ZHX3: variants seen among roughly 807,000 people sequenced by gnomAD.
ZHX3 encodes zinc fingers and homeoboxes protein 3.
In ZHX3, 20 loss-of-function variants were observed where a neutral mutation model predicts 64.5. The observed-to-expected ratio is 0.31, with a 90% CI of 0.22 to 0.45. ZHX3 has a LOEUF of 0.45. Among genes scored for constraint, ZHX3 ranks in the 20% least tolerant of loss-of-function variants. The pLI is 1.00. For missense variants in ZHX3, 1,041 were observed against 1,195.8 expected (o/e 0.87, Z 1.91); for synonymous variants, 423 against 461.6 (o/e 0.92, Z 1.07).
chr20:41,287,921 T>C (rs1278341342), intron 1 of ZHX3, among the ~76,000 whole-genome samples: 1 of 152,228 alleles, frequency 6.6e-6, no homozygotes, highest in African/African-American at 2.4e-5. Context: ...ATGTGTAAAA[T>C]ATAAAATATC....
In ZHX3 at chr20:41,185,373, T is replaced by G. The variant is rs1363908081; in HGVS notation, c.2861-172A>C. On this transcript the variant is annotated intron_variant, in intron 3 of 3. Coordinates refer to ENST00000683867, the MANE Select transcript of ZHX3 (RefSeq NM_001384317.1). This position sits in a 1 kb window ranked among gnomAD's most constrained non-coding sequence, Gnocchi z 5.0. ...TCCCCCACCCTCCAGCCTGAGGGAATGTGGGTTAAGGACAGGATGCTGGCT... is the reference window on the plus strand; with the variant it reads ...TCCCCCACCCTCCAGCCTGAGGGAAGGTGGGTTAAGGACAGGATGCTGGCT... Among the ~76,000 whole-genome samples the G allele has an allele frequency of 5.3e-5, 8 of 151,970 alleles. No individual in the cohort carries two copies. In the South Asian group the frequency reaches 1.7e-3, roughly 31 times the overall value.
At chr20:41,259,925 T>TA (rs2042471024) in intron 2 of ZHX3, among the ~76,000 whole-genome samples, 1 of 152,134 alleles carries the variant, frequency 6.6e-6, no homozygotes, top group Non-Finnish European at 1.5e-5. Context: ...ATATAGATTT[T>TA]AAAATGTTTA....
At chr20:41,217,098 G>A (rs546330081) in intron 2 of ZHX3, among the ~76,000 whole-genome samples, 1 of 152,194 alleles carries the variant, frequency 6.6e-6, no homozygotes, top group African/African-American at 2.4e-5. Flanking sequence ...ATTTTTTGGA[G>A]CCCATCTACC....
chr20:41,283,780 C>A (rs1424009119), intron 1 of ZHX3, among the ~76,000 whole-genome samples: 1 of 151,774 alleles, frequency 6.6e-6, no homozygotes, highest in Non-Finnish European at 1.5e-5. Context: ...TCACTTTTAT[C>A]TATGGTCACT....
At chr20:41,255,095 T>C (rs952299155) in intron 2 of ZHX3, among the ~76,000 whole-genome samples, 2 of 152,052 alleles carry the variant, frequency 1.3e-5, no homozygotes, top group African/African-American at 4.8e-5. Context: ...AAAAGGTAGG[T>C]CAGGGTGGTT....
chr20:41,302,211 G>A (rs373210498), intron 1 of ZHX3, among the ~76,000 whole-genome samples: 12 of 152,134 alleles, frequency 7.9e-5, no homozygotes, highest in African/African-American at 2.7e-4. Flanking sequence ...TAGGGGCTTT[G>A]ATGTCAAAAG....
intron 2 of ZHX3, among the ~76,000 whole-genome samples, chr20:41,260,305 G>GT (rs2042495234): frequency 6.6e-6 from 1 of 152,150 alleles, no homozygotes. Flanking sequence ...AGTTAAATAT[G>GT]TTATCTACAG....
chr20:41,276,163 G>A (rs1167416072), intron 1 of ZHX3, among the ~76,000 whole-genome samples: 3 of 152,140 alleles, frequency 2.0e-5, no homozygotes, highest in Non-Finnish European at 4.4e-5. Flanking sequence ...CTCAATACCT[G>A]AATGTATGAT....
At chr20:41,190,111 C>T (rs1423032672) in intron 3 of ZHX3, among the ~76,000 whole-genome samples, 2 of 152,098 alleles carry the variant, frequency 1.3e-5, no homozygotes, top group African/African-American at 4.8e-5. Context: ...TGATGTATTG[C>T]ATTAACTGAA....
intron 2 of ZHX3, among the ~76,000 whole-genome samples, chr20:41,249,187 A>G (rs1035807275): frequency 5.9e-5 from 9 of 152,148 alleles, no homozygotes; most frequent in South Asian, 2.1e-4. Context: ...TCACACTAAT[A>G]TAAGAAAAAC....
At chr20:41,261,832 T>A (rs943421506) in intron 2 of ZHX3, among the ~76,000 whole-genome samples, 1 of 152,108 alleles carries the variant, frequency 6.6e-6, no homozygotes, top group African/African-American at 2.4e-5. Flanking sequence ...CCCCAACATC[T>A]CATCTGAGTT....
chr20:41,233,542 T>C (rs1183877632), intron 2 of ZHX3, among the ~76,000 whole-genome samples: 3 of 152,218 alleles, frequency 2.0e-5, no homozygotes, highest in Admixed American at 6.5e-5. Flanking sequence ...TGACTCACCA[T>C]TGCTAAGCAA....
Position 41,184,623 on chromosome 20 carries a change from A to G in ZHX3, c.*568T>C, listed in dbSNP as rs2036372949. On this transcript the variant is annotated 3_prime_UTR_variant, in exon 4 of 4. Coordinates refer to ENST00000683867, the MANE Select transcript of ZHX3 (RefSeq NM_001384317.1). ...ACTTAATGCAGCAGAGATCTCTTCA[A>G]AGGTACTGCTTCCTTGAGGAACACA... 2 of 421,364 alleles carry G rather than the reference A, an allele frequency of 4.7e-6. No individual in the cohort carries two copies. Among genetic ancestry groups the G allele is most frequent in the South Asian group, 5.1e-5 (2 of 39,548 alleles). The allele number at this position is 421,364 out of a possible 1,614,324, so 26.1% of individuals were successfully genotyped here.
At chr20:41,272,158 T>C (rs930604891) in intron 1 of ZHX3, 3 of 152,122 alleles carry the variant, frequency 2.0e-5, no homozygotes, top group Non-Finnish European at 2.9e-5. Context: ...CAAATAAAAA[T>C]GAAAAAGTAA....
chr20:41,310,422 A>G (rs1252822342), intron 1 of ZHX3, among the ~76,000 whole-genome samples: 3 of 152,150 alleles, frequency 2.0e-5, no homozygotes, highest in African/African-American at 7.2e-5. Context: ...CAGACTTGGC[A>G]CTTGCTCATA....
chr20:41,196,926 A>ATAACCAG, intron 3 of ZHX3: 1 of 168,490 alleles, frequency 5.9e-6, no homozygotes, highest in South Asian at 1.6e-4. Context: ...CAAGTTCCCA[A>ATAACCAG]TAACCAGTGA....
chr20:41,203,901 ACAGT>A lies in ZHX3; in HGVS notation c.1012_1015del (p.Thr338TrpfsTer2), dbSNP rs2038473617. On this transcript the variant is annotated frameshift_variant, in exon 3 of 4. Coordinates refer to ENST00000683867, the MANE Select transcript of ZHX3 (RefSeq NM_001384317.1). LOFTEE classifies it high-confidence loss of function. The surrounding 1 kb of genome is among the most constrained non-coding windows in gnomAD (Gnocchi z 7.1). ...CTGTTCTTCTGGATACTTGGTCACC[ACAGT>A]CAAATAGCAGAGCTCGGCTTTGGTG... is the stretch of plus-strand genomic sequence containing the variant. 1.2e-6 allele frequency: 2 copies of A among 1,614,112 alleles called. No individual in the cohort carries two copies. The highest frequency in any genetic ancestry group is 1.7e-6 in the Non-Finnish European group (2 of 1,180,048).
chr20:41,208,138 C>T (rs1330165703), intron 2 of ZHX3, among the ~76,000 whole-genome samples: 2 of 152,124 alleles, frequency 1.3e-5, no homozygotes, highest in African/African-American at 4.8e-5. Flanking sequence ...CAAGACTAAA[C>T]CAGGAAGAAG....
chr20:41,207,880 C>T (rs2038853255), intron 2 of ZHX3, among the ~76,000 whole-genome samples: 1 of 152,082 alleles, frequency 6.6e-6, no homozygotes, highest in Non-Finnish European at 1.5e-5. Context: ...CACAAAAAAC[C>T]CTTCAAAAAA....
Sources: allele counts gnomAD v4.1 joint callset (sites outside exome capture counted in the v4.1 genomes callset), GRCh38; gene constraint gnomAD v4.1.1; non-coding constraint Gnocchi (gnomAD v3.1); transcripts MANE v1.5; gene names NCBI Gene and HGNC (gene_info 2026-07-23, HGNC 2026-07-21).